Variants in DNAJB12 observed in about 807,000 individuals in gnomAD.
DNAJB12 encodes the protein dnaJ homolog subfamily B member 12.
Under a neutral mutation model 40.6 loss-of-function variants are expected in DNAJB12, and 14 were observed. The ratio of observed to expected loss-of-function variants is 0.34; its 90% CI spans 0.23 to 0.54. The LOEUF is 0.54. DNAJB12 is among the 20% of genes least tolerant of loss of function. The pLI, the probability that DNAJB12 is intolerant of heterozygous loss-of-function variation, is 0.92. For synonymous variants in DNAJB12, 181 were observed against 199.5 expected, an observed-to-expected ratio of 0.91 and a Z score of 0.78; for missense variants, 444 against 501.7, an observed-to-expected ratio of 0.89 and a Z score of 1.10.
chr10:72,334,177 C>T lies in DNAJB12; in HGVS notation c.*471G>A, dbSNP rs368945764. The T allele has an allele frequency of 2.1e-3, 545 of 253,692 alleles. 10 individuals are homozygous for T. In the South Asian group the frequency reaches 0.022, roughly 10 times the overall value. The allele number at this position is 253,692 out of a possible 1,614,324, so 15.7% of individuals were successfully genotyped here. A position where few individuals can be genotyped will look rare whatever the true frequency, so the allele number is the denominator to read the frequency against. On this transcript the variant is annotated 3_prime_UTR_variant, in exon 9 of 9. Coordinates refer to ENST00000444643, the MANE Select transcript of DNAJB12 (RefSeq NM_017626.7). ...ATAAATAGATATATATACATATACA[C>T]GCATCTATAAATTACATTCTATGGA...
chr10:72,345,894 A>G (rs1422390318), intron 1 of DNAJB12, among the ~76,000 whole-genome samples: 1 of 116,162 alleles, frequency 8.6e-6, no homozygotes, highest in African/African-American at 3.6e-5. Context: ...GATCTGTCTC[A>G]AAAAAAAAAA....
At position 72,335,087 on chromosome 10, in the gene DNAJB12, C is replaced by T. The variant is rs1005332867; in HGVS notation, c.*31-470G>A. 17 of 992,184 alleles carry T rather than the reference C, an allele frequency of 1.7e-5. No individual in the cohort carries two copies. In the African/African-American group the frequency reaches 1.9e-4, roughly 11 times the overall value. 61.5% of individuals were successfully genotyped at this position (992,184 alleles called of 1,614,324 possible). Reference sequence around the variant, plus strand: ...TGACCTTCTGTTCCCTTCCTCAGACCGCAGGCGAGATGCCTGGGCAAGGCC... The same window carrying T: ...TGACCTTCTGTTCCCTTCCTCAGACTGCAGGCGAGATGCCTGGGCAAGGCC... On this transcript the variant is annotated intron_variant, in intron 8 of 8. Transcript: ENST00000444643. This position sits in a 1 kb window ranked among gnomAD's most constrained non-coding sequence, Gnocchi z 4.4.
chr10:72,338,759 A>G (rs1861547699), intron 5 of DNAJB12, among the ~76,000 whole-genome samples: 1 of 152,192 alleles, frequency 6.6e-6, no homozygotes, highest in South Asian at 2.1e-4. Context: ...ACGTGAGGCC[A>G]GGAGTTCAAG....
chr10:72,346,526 C>T (rs1861793008), intron 1 of DNAJB12, among the ~76,000 whole-genome samples: 1 of 152,188 alleles, frequency 6.6e-6, no homozygotes, highest in South Asian at 2.1e-4. Context: ...GATATCAACA[C>T]GTTGGCCAGA....
In DNAJB12 at chr10:72,335,976, G is replaced by A. The variant is rs761083305; in HGVS notation, c.1007-45C>T. ...GGTTAGTGCACACCCAGTACCTCCC[G>A]AAGCCTGCAAGGAAGCCTGCGAGGG... On this transcript the variant is annotated intron_variant, in intron 7 of 8. Transcript: ENST00000444643. The surrounding 1 kb of genome is among the most constrained non-coding windows in gnomAD (Gnocchi z 4.4). The A allele has an allele frequency of 9.3e-6, 15 of 1,607,870 alleles. No homozygotes were observed. Among genetic ancestry groups the A allele is most frequent in the African/African-American group, 5.3e-5 (4 of 74,814 alleles).
intron 7 of DNAJB12, 92 bp from the exon 8 acceptor site, chr10:72,336,023 T>TTGGGCCG (rs1564817012): frequency 2.6e-6 from 4 of 1,523,490 alleles, no homozygotes; most frequent in Non-Finnish European, 3.6e-6. Context: ...GGAGGAAAGC[T>TTGGGCCG]GGTACATGCC....
Position 72,338,751 on chromosome 10 carries a change from G to A in DNAJB12, c.724-440C>T, listed in dbSNP as rs560445849. Among the ~76,000 whole-genome samples, 6 of 151,896 alleles carry A rather than the reference G, an allele frequency of 4.0e-5. No individual in the cohort carries two copies. In the South Asian group the frequency reaches 8.4e-4, roughly 21 times the overall value. On this transcript the variant is annotated intron_variant, in intron 5 of 8. Transcript: ENST00000444643. ...TGGGAGACCAACATGAGAGGAACAC[G>A]TGAGGCCAGGAGTTCAAGACCAGTC... is the stretch of plus-strand genomic sequence containing the variant.
intron 1 of DNAJB12, among the ~76,000 whole-genome samples, chr10:72,348,622 G>A (rs1861858880): frequency 6.6e-6 from 1 of 152,256 alleles, no homozygotes; most frequent in Non-Finnish European, 1.5e-5. Flanking sequence ...GTGGAGCACT[G>A]TGCCCTGGGC....
intron 1 of DNAJB12, among the ~76,000 whole-genome samples, chr10:72,347,606 A>G (rs1861824633): frequency 6.6e-6 from 1 of 152,252 alleles, no homozygotes; most frequent in African/African-American, 2.4e-5. Flanking sequence ...CACCCTCGGC[A>G]GCATCATGGC....
At chr10:72,354,687 A>G (rs1211221466) in intron 1 of DNAJB12, 78 bp downstream of exon 1, 7 of 957,982 alleles carry the variant, frequency 7.3e-6, no homozygotes, top group Non-Finnish European at 9.1e-6. Context: ...CCCCTCCCCC[A>G]ACTGCTCCCG....
rs1453627132 is a variant in DNAJB12, at chr10:72,351,967, C to G, written c.133+2798G>C. On this transcript the variant is annotated intron_variant, in intron 1 of 8. Transcript: ENST00000444643. ...ATTCCCCAGCATCCCATCTGATTCT[C>G]CTCTGCACCTCTCTCTCACACAGGC... Among the ~76,000 whole-genome samples, 3 of 152,194 alleles carry G rather than the reference C, an allele frequency of 2.0e-5. No homozygotes were observed. In the East Asian group the frequency reaches 5.8e-4, roughly 29 times the overall value.
Position 72,334,495 on chromosome 10 carries a change from CT to C in DNAJB12, c.*152del. The C allele has an allele frequency of 7.1e-7, 1 of 1,404,158 alleles. No homozygotes were observed. The allele number at this position is 1,404,158 out of a possible 1,614,324, so 87.0% of individuals were successfully genotyped here. A position where few individuals can be genotyped will look rare whatever the true frequency, so the allele number is the denominator to read the frequency against. Reference sequence around the variant, plus strand: ...ATTTACTGGGTGAGAGAGAGGGCAGCTGTGCAGCGTTCGGCCTCCAATTCCA... The same window carrying C: ...ATTTACTGGGTGAGAGAGAGGGCAGCGTGCAGCGTTCGGCCTCCAATTCCA... On this transcript the variant is annotated 3_prime_UTR_variant, in exon 9 of 9. Coordinates refer to ENST00000444643, the MANE Select transcript of DNAJB12 (RefSeq NM_017626.7).
At chr10:72,343,316 T>C (rs745924448) in intron 3 of DNAJB12, 50 bp downstream of exon 3, 21 of 1,583,732 alleles carry the variant, frequency 1.3e-5, no homozygotes, top group Non-Finnish European at 1.8e-5. Flanking sequence ...CTCCCTGCCA[T>C]GGACAGGAGA....
chr10:72,342,337 T>A (rs573449004), intron 3 of DNAJB12, among the ~76,000 whole-genome samples: 3 of 152,336 alleles, frequency 2.0e-5, no homozygotes, highest in East Asian at 1.9e-4. Flanking sequence ...CCAAGCCACA[T>A]CTGATTCCCA....
rs1353372379 is a variant in DNAJB12 at position 72,354,747 on chromosome 10, C to G, written c.133+18G>C. ...ATCAGTTCTAATGTCCCCAGTCTCT[C>G]CGGCACCTCACACTCACCGCGAACT... On this transcript the variant is annotated intron_variant, in intron 1 of 8. Coordinates refer to ENST00000444643, the MANE Select transcript of DNAJB12 (RefSeq NM_017626.7). 3 of 1,603,372 alleles carry G rather than the reference C, an allele frequency of 1.9e-6. No homozygotes were observed. Among genetic ancestry groups the G allele is most frequent in the Non-Finnish European group, 1.7e-6 (2 of 1,174,166 alleles).
chr10:72,346,696 A>G (rs1028609338), intron 1 of DNAJB12, among the ~76,000 whole-genome samples: 1 of 152,096 alleles, frequency 6.6e-6, no homozygotes, highest in Non-Finnish European at 1.5e-5. Flanking sequence ...CCTGACCTCA[A>G]GTGATCTGCC....
At chr10:72,341,720 C>A (rs1226173230) in intron 3 of DNAJB12, among the ~76,000 whole-genome samples, 1 of 152,204 alleles carries the variant, frequency 6.6e-6, no homozygotes, top group East Asian at 1.9e-4. Context: ...GATCCTCCCA[C>A]CTTGGCCTCC....
chr10:72,335,739 G>T lies in DNAJB12; in HGVS notation c.*30+41C>A. On this transcript the variant is annotated intron_variant, in intron 8 of 8. Transcript: ENST00000444643. The surrounding 1 kb of genome is among the most constrained non-coding windows in gnomAD (Gnocchi z 4.4). ...TCCTCTGCTCATGACCAGGGCCAAAGCTGCCAGGAGTTGCAGGGTGGAGGC... is the reference window on the plus strand; with the variant it reads ...TCCTCTGCTCATGACCAGGGCCAAATCTGCCAGGAGTTGCAGGGTGGAGGC... 6.3e-7 allele frequency: 1 copy of T among 1,595,930 alleles called. No individual in the cohort carries two copies. Among genetic ancestry groups the T allele is most frequent in the South Asian group, 1.1e-5 (1 of 88,662 alleles).
At chr10:72,346,199 T>C (rs1477546128) in intron 1 of DNAJB12, among the ~76,000 whole-genome samples, 1 of 152,226 alleles carries the variant, frequency 6.6e-6, no homozygotes, top group Non-Finnish European at 1.5e-5. Flanking sequence ...AGTCTCACTC[T>C]GTTGCCCAGG....
Sources: allele counts gnomAD v4.1 joint callset (sites outside exome capture counted in the v4.1 genomes callset), GRCh38; gene constraint gnomAD v4.1.1; non-coding constraint Gnocchi (gnomAD v3.1); transcripts MANE v1.5; gene names NCBI Gene and HGNC (gene_info 2026-07-23, HGNC 2026-07-21).